Variants in LRRC4C observed in about 807,000 individuals in gnomAD.
LRRC4C encodes the protein leucine rich repeat containing 4C.
A neutral mutation model predicts 33.6 loss-of-function variants in LRRC4C; 5 were observed. The ratio of observed to expected loss-of-function variants is 0.15; its 90% CI spans 0.08 to 0.31. The LOEUF (loss-of-function observed/expected upper bound fraction) is 0.31. Among genes scored for constraint, LRRC4C ranks in the 10% least tolerant of loss-of-function variants. LRRC4C has a pLI of 1.00. For missense variants in LRRC4C, 560 were observed against 796.7 expected, an observed-to-expected ratio of 0.70 and a Z score of 3.58; for synonymous variants, 329 against 302.0, an observed-to-expected ratio of 1.09 and a Z score of -0.93.
At chr11:40,442,162 CAAAAAA>C (rs1158464665) in intron 3 of LRRC4C, among the ~76,000 whole-genome samples, 4 of 56,190 alleles carry the variant, frequency 7.1e-5, no homozygotes, top group South Asian at 1.0e-3. Flanking sequence ...GACTCCATTT[CAAAAAA>C]AAAAAAAAAA....
chr11:41,335,992 T>C (rs1951439571), intron 1 of LRRC4C, among the ~76,000 whole-genome samples: 1 of 152,174 alleles, frequency 6.6e-6, no homozygotes, highest in South Asian at 2.1e-4. Flanking sequence ...TTTAGACCCA[T>C]TTATTTATGG....
At chr11:41,392,562 C>CAA (rs146954125) in intron 1 of LRRC4C, among the ~76,000 whole-genome samples, 114 of 143,554 alleles carry the variant, frequency 7.9e-4, no homozygotes, top group Admixed American at 1.4e-3. Context: ...AACAAACAAA[C>CAA]AAAAAAAAAA....
At chr11:40,727,254 A>G (rs1294580016) in intron 2 of LRRC4C, among the ~76,000 whole-genome samples, 1 of 152,212 alleles carries the variant, frequency 6.6e-6, no homozygotes, top group Non-Finnish European at 1.5e-5. Context: ...GAACCCAGAA[A>G]TAAAGCCACA....
chr11:40,295,986 G>A (rs908987449), intron 4 of LRRC4C, among the ~76,000 whole-genome samples: 2 of 152,180 alleles, frequency 1.3e-5, no homozygotes, highest in Admixed American at 6.5e-5. Context: ...TGATTCTGAA[G>A]TAAGCTAGAA....
chr11:40,988,162 C>T (rs1055048810), intron 1 of LRRC4C, among the ~76,000 whole-genome samples: 2 of 152,126 alleles, frequency 1.3e-5, no homozygotes, highest in Non-Finnish European at 2.9e-5. Flanking sequence ...AGCAATGACT[C>T]AAAGGCTCCC....
intron 2 of LRRC4C, among the ~76,000 whole-genome samples, chr11:40,877,999 C>G (rs1954990009): frequency 6.6e-6 from 1 of 152,138 alleles, no homozygotes; most frequent in Non-Finnish European, 1.5e-5. Flanking sequence ...CTAGAGTCTT[C>G]TGCTATCTCA....
chr11:40,503,577 A>G (rs1287588184), intron 3 of LRRC4C, among the ~76,000 whole-genome samples: 3 of 152,184 alleles, frequency 2.0e-5, no homozygotes, highest in African/African-American at 7.2e-5. Flanking sequence ...TCAGTCTTTC[A>G]ATCTATTTAA....
At chr11:40,813,362 G>A (rs1411605935) in intron 2 of LRRC4C, among the ~76,000 whole-genome samples, 1 of 152,152 alleles carries the variant, frequency 6.6e-6, no homozygotes, top group Non-Finnish European at 1.5e-5. Context: ...TGGCAGCAGG[G>A]CAGAGAGCTT....
In LRRC4C at chr11:40,485,091, G is replaced by C. The variant is rs1193385501; in HGVS notation, c.-270+163051C>G. 2.0e-5 allele frequency among the ~76,000 whole-genome samples: 3 copies of C among 152,070 alleles called. No homozygotes were observed. The East Asian group carries it at 5.8e-4, about 29-fold the overall frequency. The stretch of plus-strand genomic sequence containing the variant: ...GAACCTGGGAATTTTTACTGTGTCT[G>C]ATAGCAGGAAGAGCTCAAAATCACA... On this transcript the variant is annotated intron_variant, in intron 3 of 6. Coordinates refer to ENST00000528697, the MANE Select transcript of LRRC4C (RefSeq NM_001258419.2).
At chr11:40,848,369 A>G (rs1393563109) in intron 2 of LRRC4C, among the ~76,000 whole-genome samples, 2 of 151,990 alleles carry the variant, frequency 1.3e-5, no homozygotes, top group Non-Finnish European at 2.9e-5. Flanking sequence ...ATTGGTTTCA[A>G]ATAACTTATT....
intron 5 of LRRC4C, among the ~76,000 whole-genome samples, chr11:40,159,788 A>G (rs1248071387): frequency 6.6e-6 from 1 of 152,152 alleles, no homozygotes; most frequent in Non-Finnish European, 1.5e-5. Flanking sequence ...CTGAAATTAC[A>G]TTATATGTTT....
intron 4 of LRRC4C, among the ~76,000 whole-genome samples, chr11:40,273,794 G>C (rs1365496779): frequency 6.6e-6 from 1 of 152,124 alleles, no homozygotes; most frequent in East Asian, 1.9e-4. Context: ...AATGAAACAA[G>C]ATATGATTAT....
intron 2 of LRRC4C, among the ~76,000 whole-genome samples, chr11:40,898,898 G>A (rs1328377008): frequency 6.6e-6 from 1 of 152,078 alleles, no homozygotes; most frequent in Non-Finnish European, 1.5e-5. Context: ...AAGCTACTTG[G>A]TATCTGCAGA....
intron 1 of LRRC4C, among the ~76,000 whole-genome samples, chr11:41,089,138 A>G (rs1940216642): frequency 6.6e-6 from 1 of 152,024 alleles, no homozygotes. Flanking sequence ...ACCAGGAACT[A>G]TTGCATCCCA....
chr11:40,455,409 T>A (rs1952085675), intron 3 of LRRC4C, among the ~76,000 whole-genome samples: 1 of 152,182 alleles, frequency 6.6e-6, no homozygotes. Flanking sequence ...GGCAGGAAGC[T>A]AGGCAACACA....
At chr11:41,396,560 C>G (rs1409185879) in intron 1 of LRRC4C, among the ~76,000 whole-genome samples, 5 of 151,934 alleles carry the variant, frequency 3.3e-5, no homozygotes, top group Admixed American at 2.0e-4. Flanking sequence ...TCACTAATAA[C>G]AATGAGAAAC....
intron 2 of LRRC4C, among the ~76,000 whole-genome samples, chr11:40,780,787 GC>G (rs1339149308): frequency 5.2e-5 from 7 of 133,352 alleles, no homozygotes; most frequent in African/African-American, 2.0e-4. Context: ...CTGATAAGAG[GC>G]TTTTTTTTTT....
At chr11:40,685,522 AAAG>A (rs1944910529) in intron 2 of LRRC4C, among the ~76,000 whole-genome samples, 3 of 151,980 alleles carry the variant, frequency 2.0e-5, no homozygotes, top group African/African-American at 7.2e-5. Context: ...AACAAAATTT[AAAG>A]TAAGATTTTT....
At chr11:41,200,732 G>C (rs973133314) in intron 1 of LRRC4C, among the ~76,000 whole-genome samples, 34 of 152,054 alleles carry the variant, frequency 2.2e-4, no homozygotes, top group Middle Eastern at 6.8e-3. Context: ...CCAAAATATG[G>C]CCCCCCCAAA....
Sources: gnomAD v4.1 joint callset for allele counts (sites outside exome capture counted in the v4.1 genomes callset) on GRCh38, gnomAD v4.1.1 for gene constraint, MANE v1.5 for transcripts, NCBI Gene and HGNC (gene_info 2026-07-23, HGNC 2026-07-21) for gene names.